FAT1: variants seen among roughly 807,000 people sequenced by gnomAD.
FAT1 encodes the protein protocadherin Fat 1.
In FAT1, 171 loss-of-function variants were observed where a neutral mutation model predicts 329.8. The observed-to-expected ratio is 0.52, with a 90% confidence interval of 0.46 to 0.59. The LOEUF is 0.59. Ranked by LOEUF, FAT1 falls within the 20% of genes least tolerant of loss-of-function variation. The probability of loss-of-function intolerance (pLI) is 0.00; values close to 1 mark genes in which losing one functional copy is unlikely to be tolerated. For missense variants in FAT1, 5,672 were observed against 5,774.4 expected, an observed-to-expected ratio of 0.98 and a Z score of 0.57; for synonymous variants, 2,233 against 2,228.6, an observed-to-expected ratio of 1.00 and a Z score of -0.06.
chr4:186,620,851 G>A lies in FAT1; in HGVS notation c.5735C>T (p.Ser1912Leu), dbSNP rs369369984. 9.3e-6 allele frequency: 15 copies of A among 1,613,896 alleles called. No homozygotes were observed. In the African/African-American group the frequency reaches 1.5e-4, roughly 16 times the overall value. The change falls in exon 10 of 27, where the codon TCA becomes TTA. Residue 1912 changes from serine (S) to leucine (L), a missense_variant. By Grantham distance (145) the Ser-to-Leu change is moderately radical. This residue lies in a region of FAT1 where 3,966 missense variants were observed against 3,915.2 expected (regional missense o/e 1.01). Coordinates refer to ENST00000441802, the MANE Select transcript of FAT1 (RefSeq NM_005245.4). ...TTCGGTGATGGAGTAAATCAACTGT[G>A]AGAATGCACTTGAATCAGCATCTGT... ...NATDADSSAF[S>L]QLIYSITEGN...
chr4:186,644,058 A>C (rs550136127), intron 3 of FAT1, among the ~76,000 whole-genome samples: 2 of 152,182 alleles, frequency 1.3e-5, no homozygotes. Context: ...AACCAAAGAG[A>C]AGTTAAAATT....
At chr4:186,696,714 C>T (rs1312215975) in intron 2 of FAT1, among the ~76,000 whole-genome samples, 16 of 152,252 alleles carry the variant, frequency 1.1e-4, no homozygotes, top group Admixed American at 2.6e-4. Context: ...AAAGAACATA[C>T]GGCAAGTCCA....
At chr4:186,600,854 G>A (rs1306387146) in intron 21 of FAT1, among the ~76,000 whole-genome samples, 1 of 152,182 alleles carries the variant, frequency 6.6e-6, no homozygotes, top group East Asian at 1.9e-4. Flanking sequence ...GGAATTACAG[G>A]CGTCCGCCAC....
chr4:186,605,062 T>C (rs1355431830), intron 17 of FAT1, among the ~76,000 whole-genome samples: 5 of 151,476 alleles, frequency 3.3e-5, no homozygotes, highest in Middle Eastern at 3.4e-3. Flanking sequence ...CTACTAAAAA[T>C]ACAAAAATTA....
chr4:186,695,760 A>T (rs1003874451), intron 2 of FAT1, among the ~76,000 whole-genome samples: 1 of 141,234 alleles, frequency 7.1e-6, no homozygotes, highest in East Asian at 2.1e-4. Context: ...TTATATATAA[A>T]ACACACACAC....
intron 3 of FAT1, among the ~76,000 whole-genome samples, chr4:186,660,551 G>A (rs757970640): frequency 2.0e-5 from 3 of 152,208 alleles, no homozygotes; most frequent in African/African-American, 4.8e-5. Context: ...CATAAGGAAA[G>A]AAAGCCTCTG....
chr4:186,697,699 T>C (rs917444510), intron 2 of FAT1, among the ~76,000 whole-genome samples: 134 of 152,328 alleles, frequency 8.8e-4, no homozygotes, highest in African/African-American at 3.2e-3. Flanking sequence ...ATAATGTATG[T>C]AGAAATACTT....
chr4:186,661,290 T>C (rs1238311368), intron 3 of FAT1, among the ~76,000 whole-genome samples: 3 of 152,200 alleles, frequency 2.0e-5, no homozygotes, highest in African/African-American at 7.2e-5. Context: ...AGGACTCCAA[T>C]CTGACTGTGT....
At chr4:186,632,502 G>C (rs1740645091) in intron 7 of FAT1, among the ~76,000 whole-genome samples, 2 of 152,198 alleles carry the variant, frequency 1.3e-5, no homozygotes, top group Non-Finnish European at 2.9e-5. Flanking sequence ...AAAATCAATA[G>C]ATTTTGCTTG....
intron 2 of FAT1, 84 bp downstream of exon 2, chr4:186,706,479 G>A: frequency 7.0e-7 from 1 of 1,424,522 alleles, no homozygotes; most frequent in Non-Finnish European, 9.4e-7. Context: ...AGGGAATTTT[G>A]AAGAAGCTGC....
At chr4:186,681,521 T>C (rs947196183) in intron 2 of FAT1, among the ~76,000 whole-genome samples, 2 of 152,172 alleles carry the variant, frequency 1.3e-5, no homozygotes, top group African/African-American at 4.8e-5. Flanking sequence ...TTAGAATCAC[T>C]TATTGTAGAG....
At position 186,633,815 on chromosome 4, in the gene FAT1, A is replaced by G. The variant is rs760550311; in HGVS notation, c.4192T>C (p.Tyr1398His). 6.2e-7 allele frequency: 1 copy of G among 1,613,914 alleles called. No individual in the cohort carries two copies. The highest frequency in any genetic ancestry group is 8.5e-7 in the Non-Finnish European group (1 of 1,179,892). Reference protein sequence around the residue: ...PLWFDITGGNYDSHFDVDKGT... With the variant: ...PLWFDITGGNHDSHFDVDKGT... ...TTGTCCACATCGAAGTGACTGTCGT[A>G]GTTGCCACCTAATTTGGGGAAAAAA... Residue 1398 changes from tyrosine to histidine, a missense_variant, in exon 7 of 27, where the codon TAC (tyrosine) becomes CAC (histidine). Tyr to His is a moderately conservative substitution (Grantham distance 83). This residue lies in a region of FAT1 where 3,966 missense variants were observed against 3,915.2 expected (regional missense o/e 1.01). Transcript: ENST00000441802.
chr4:186,613,401 T>A (rs1364956430), intron 12 of FAT1, 59 bp from the exon 13 acceptor site: 8 of 1,246,696 alleles, frequency 6.4e-6, no homozygotes, highest in Non-Finnish European at 2.4e-6. Flanking sequence ...CAGTTGTACA[T>A]CTTATTTCCT....
chr4:186,716,209 C>G (rs1745196157), intron 1 of FAT1, among the ~76,000 whole-genome samples: 2 of 152,106 alleles, frequency 1.3e-5, no homozygotes, highest in African/African-American at 4.8e-5. Context: ...CTTTATGGAA[C>G]AGGACATTAT....
chr4:186,712,364 T>A (rs1745001038), intron 1 of FAT1, among the ~76,000 whole-genome samples: 1 of 89,244 alleles, frequency 1.1e-5, no homozygotes, highest in South Asian at 4.4e-4. Flanking sequence ...CTACTGTGGT[T>A]TTTTTTTAGC....
At position 186,606,109 on chromosome 4, in the gene FAT1, C is replaced by T. The variant is rs764276014; in HGVS notation, c.10311G>A (p.Ala3437=). The change falls in exon 17 of 27, where the codon GCG becomes GCA. Residue 3437 remains alanine (A), a synonymous_variant. Coordinates refer to ENST00000441802, the MANE Select transcript of FAT1 (RefSeq NM_005245.4). ...TGTAGTTTCCCCTGGAGAAGACGGG[C>T]GCGTTGTCATTGACATCGGACACAT... ...NIDVSDVNDN[A]PVFSRGNYSV... The T allele has an allele frequency of 6.4e-5, 103 of 1,613,140 alleles. 1 individual carries two copies. The South Asian group carries it at 6.6e-4, about 10-fold the overall frequency.
chr4:186,604,889 G>C (rs1390986593), intron 17 of FAT1, among the ~76,000 whole-genome samples: 1 of 151,894 alleles, frequency 6.6e-6, no homozygotes. Flanking sequence ...CAGAGAGGAG[G>C]AGGAGTGTAG....
chr4:186,709,089 T>A lies in FAT1; in HGVS notation c.739A>T (p.Ile247Phe), dbSNP rs776171024. The A allele has an allele frequency of 1.2e-6, 2 of 1,613,850 alleles. No individual in the cohort carries two copies. Among genetic ancestry groups the A allele is most frequent in the Admixed American group, 1.7e-5 (1 of 60,026 alleles). The change falls in exon 2 of 27, where the codon ATC becomes TTC. Residue 247 changes from isoleucine to phenylalanine, a missense_variant. Physicochemically the swap from Ile to Phe is conservative, Grantham distance 21. Coordinates refer to ENST00000441802, the MANE Select transcript of FAT1 (RefSeq NM_005245.4). Reference sequence around the variant, plus strand: ...GGAGCACATTCATTGGCCTGTTCGATGTGCACCGTTAGCTTGGCCATGCTG... The same window carrying A: ...GGAGCACATTCATTGGCCTGTTCGAAGTGCACCGTTAGCTTGGCCATGCTG... ...ISSMAKLTVH[I>F]EQANECAPVI...
At position 186,723,801 on chromosome 4, in the gene FAT1, TCCCGCGCCCTCTC is replaced by T. The variant is rs376490766; in HGVS notation, c.-169_-157del. On this transcript the variant is annotated 5_prime_UTR_variant, in exon 1 of 27. Transcript: ENST00000441802. Reference sequence around the variant, plus strand: ...GCATGGTACCTGCCGCACGAGCCGCTCCCGCGCCCTCTCCCCGCGCCCGGCCGCCCAGCTCGGC... The same window carrying T: ...GCATGGTACCTGCCGCACGAGCCGCTCCCGCGCCCGGCCGCCCAGCTCGGC... The T allele has an allele frequency of 1.3e-5, 2 of 149,556 alleles. No individual in the cohort carries two copies. Among genetic ancestry groups the T allele is most frequent in the East Asian group, 2.0e-4 (1 of 4,910 alleles). 9.3% of individuals were successfully genotyped at this position (149,556 alleles called of 1,614,324 possible). A position where few individuals can be genotyped will look rare whatever the true frequency, so the allele number is the denominator to read the frequency against.
Sources: allele counts gnomAD v4.1 joint callset (sites outside exome capture counted in the v4.1 genomes callset), GRCh38; gene constraint gnomAD v4.1.1; regional missense constraint gnomAD v4.1.1; transcripts MANE v1.5; gene names NCBI Gene and HGNC (gene_info 2026-07-23, HGNC 2026-07-21).